The following ANO5 variants were observed in gnomAD, a reference collection of about 807,000 sequenced individuals.
The protein encoded by ANO5 is anoctamin 5.
Under a neutral mutation model 121.0 loss-of-function variants are expected in ANO5, and 109 were observed. That is an observed-to-expected ratio of 0.90 (90% CI 0.77 to 1.06). ANO5 has a LOEUF of 1.06. Ranked by LOEUF, ANO5 falls within the 50% of genes least tolerant of loss-of-function variation. The pLI is 0.00. For missense variants in ANO5, 1,064 were observed against 1,078.5 expected, an observed-to-expected ratio of 0.99 and a Z score of 0.19; for synonymous variants, 406 against 359.9, an observed-to-expected ratio of 1.13 and a Z score of -1.45.
At chr11:22,220,088 G>A (rs1478580939) in intron 4 of ANO5, among the ~76,000 whole-genome samples, 9 of 151,638 alleles carry the variant, frequency 5.9e-5, no homozygotes, top group Non-Finnish European at 1.3e-4. Flanking sequence ...TCCCTTTTCT[G>A]GGAGGCCTGT....
At chr11:22,209,823 A>T (rs1319273007) in intron 2 of ANO5, among the ~76,000 whole-genome samples, 1 of 151,588 alleles carries the variant, frequency 6.6e-6, no homozygotes, top group Non-Finnish European at 1.5e-5. Context: ...TTGTAAAATG[A>T]CTAGCCTGGT....
chr11:22,193,061 G>A, upstream of ANO5: 1 of 1,031,068 alleles, frequency 9.7e-7, no homozygotes, highest in Non-Finnish European at 1.2e-6. Flanking sequence ...GAAGGGGAAA[G>A]GAAAGCTGCC....
At chr11:22,197,329 A>G (rs1385970672) in intron 1 of ANO5, among the ~76,000 whole-genome samples, 1 of 149,286 alleles carries the variant, frequency 6.7e-6, no homozygotes, top group African/African-American at 2.5e-5. Flanking sequence ...TGCCAGTAAA[A>G]TGTCATTGCT....
In ANO5 at chr11:22,262,109, AT is replaced by A. The variant is rs202244923; in HGVS notation, c.1631-11del. 667 of 1,547,942 alleles carry A rather than the reference AT, an allele frequency of 4.3e-4. 2 individuals are homozygous for A. The highest frequency in any genetic ancestry group is 1.1e-3 in the South Asian group (94 of 87,602). On this transcript the variant is annotated intron_variant, in intron 15 of 21. Transcript: ENST00000324559. Reference sequence around the variant, plus strand: ...AAAAAAATAAGAAGATGCACTAAACATTTTTTTTTAACTTAACAGAAATTCC... The same window carrying A: ...AAAAAAATAAGAAGATGCACTAAACATTTTTTTTAACTTAACAGAAATTCC...
At chr11:22,237,777 A>G (rs779534123) in intron 8 of ANO5, among the ~76,000 whole-genome samples, 1 of 152,050 alleles carries the variant, frequency 6.6e-6, no homozygotes, top group Non-Finnish European at 1.5e-5. Context: ...AAAACCAAAC[A>G]GCCTCTTCTT....
At chr11:22,237,351 G>A (rs768368713) in intron 8 of ANO5, among the ~76,000 whole-genome samples, 1 of 152,022 alleles carries the variant, frequency 6.6e-6, no homozygotes, top group Non-Finnish European at 1.5e-5. Context: ...GACTTAGTCT[G>A]TTGTGCTAGT....
chr11:22,279,127 T>C (rs1854979699), intron 21 of ANO5, among the ~76,000 whole-genome samples: 1 of 151,862 alleles, frequency 6.6e-6, no homozygotes, highest in East Asian at 1.9e-4. Context: ...CAAAAGTCCT[T>C]ATTGCCTTCT....
chr11:22,279,634 A>T lies in ANO5; in HGVS notation c.2611A>T (p.Met871Leu). ...GGAGAGAATCAAGAGAGAAAAGTTA[A>T]TGACTATCAAGATTCTCCATGATTT... is the stretch of plus-strand genomic sequence containing the variant. ...VVERIKREKL[M>L]TIKILHDFEL... Residue 871 changes from methionine to leucine, a missense_variant, in exon 22 of 22, where the codon ATG becomes TTG. Coordinates refer to ENST00000324559, the MANE Select transcript of ANO5 (RefSeq NM_213599.3). 1 of 1,612,986 alleles carries T rather than the reference A, an allele frequency of 6.2e-7. No homozygotes were observed. Among genetic ancestry groups the T allele is most frequent in the Non-Finnish European group, 8.5e-7 (1 of 1,179,174 alleles).
intron 7 of ANO5, among the ~76,000 whole-genome samples, chr11:22,233,859 G>A (rs1207880024): frequency 6.6e-6 from 1 of 152,060 alleles, no homozygotes; most frequent in Non-Finnish European, 1.5e-5. Context: ...AATTCCTTGA[G>A]CATCCCCCAA....
intron 5 of ANO5, among the ~76,000 whole-genome samples, chr11:22,224,441 A>G (rs773681374): frequency 1.3e-5 from 2 of 152,146 alleles, no homozygotes; most frequent in African/African-American, 4.8e-5. Context: ...AAACAAGTTC[A>G]TCTTTGACAA....
At chr11:22,277,859 T>C (rs1224780130) in intron 21 of ANO5, 1 of 150,976 alleles carries the variant, frequency 6.6e-6, no homozygotes, top group Non-Finnish European at 1.5e-5. Flanking sequence ...CTGCAATCTA[T>C]GTTTCTCCCA....
chr11:22,218,139 A>ACACACACACACACACACT, intron 3 of ANO5, 107 bp from the exon 4 acceptor site: 1 of 1,221,566 alleles, frequency 8.2e-7, no homozygotes, highest in Non-Finnish European at 1.2e-6. Flanking sequence ...ACACACACAC[A>ACACACACACACACACACT]CTTATAAAAT....
chr11:22,212,455 T>C (rs1852312977), intron 3 of ANO5, among the ~76,000 whole-genome samples: 1 of 152,000 alleles, frequency 6.6e-6, no homozygotes, highest in Non-Finnish European at 1.5e-5. Context: ...TTGGTCATTT[T>C]ATTTTTCTGC....
rs922130353 is a variant in ANO5, at chr11:22,281,313, T to C, written c.*1548T>C. On this transcript the variant is annotated 3_prime_UTR_variant, in exon 22 of 22. Transcript: ENST00000324559. ...CCAGTATTAAATATATGGCAGATGG[T>C]ATTAACTACTGATCAATAGTAAGCA... The C allele has an allele frequency of 4.6e-5, 7 of 152,068 alleles. No individual in the cohort carries two copies. The highest frequency in any genetic ancestry group is 8.8e-5 in the Non-Finnish European group (6 of 67,910). The allele number at this position is 152,068 out of a possible 1,614,324, so 9.4% of individuals were successfully genotyped here.
intron 9 of ANO5, among the ~76,000 whole-genome samples, chr11:22,247,058 C>A (rs1853649274): frequency 6.6e-6 from 1 of 152,006 alleles, no homozygotes; most frequent in Non-Finnish European, 1.5e-5. Context: ...GTATTAGTTA[C>A]AGCACAGTAA....
At chr11:22,225,059 G>C (rs760464635) in intron 5 of ANO5, among the ~76,000 whole-genome samples, 19 of 151,910 alleles carry the variant, frequency 1.3e-4, no homozygotes, top group Non-Finnish European at 1.8e-4. Flanking sequence ...TATTACTACT[G>C]AACTATACAC....
intron 19 of ANO5, among the ~76,000 whole-genome samples, chr11:22,274,163 TAC>T (rs34022294): frequency 0.084 from 12,015 of 143,284 alleles, 508 homozygotes; most frequent in Admixed American, 0.15. Context: ...GTTAATCTCT[TAC>T]ACACACACAC....
chr11:22,263,957 T>C (rs932865462), intron 17 of ANO5, among the ~76,000 whole-genome samples: 2 of 151,004 alleles, frequency 1.3e-5, no homozygotes, highest in African/African-American at 2.4e-5. Flanking sequence ...CAAATGGTAA[T>C]AAATGTAAGC....
intron 12 of ANO5, among the ~76,000 whole-genome samples, chr11:22,251,967 T>G (rs756542555): frequency 2.9e-5 from 4 of 136,780 alleles, no homozygotes; most frequent in Non-Finnish European, 6.1e-5. Context: ...GAGGCTGAGC[T>G]TGCAGTGAGC....
Sources: gnomAD v4.1 joint callset for allele counts (sites outside exome capture counted in the v4.1 genomes callset) on GRCh38, gnomAD v4.1.1 for gene constraint, MANE v1.5 for transcripts, NCBI Gene and HGNC (gene_info 2026-07-23, HGNC 2026-07-21) for gene names.